PPP1R14B: variants seen among roughly 807,000 people sequenced by gnomAD.
PPP1R14B encodes the protein protein phosphatase 1 regulatory inhibitor subunit 14B, also known as protein phosphatase 1 regulatory subunit 14B.
A neutral mutation model predicts 14.7 loss-of-function variants in PPP1R14B; 4 were observed. The ratio of observed to expected loss-of-function variants is 0.27; its 90% CI spans 0.13 to 0.62. PPP1R14B has a LOEUF of 0.62. PPP1R14B is among the 20% of genes least tolerant of loss of function. PPP1R14B has a pLI of 0.85. For missense variants in PPP1R14B, 138 were observed against 201.5 expected, an observed-to-expected ratio of 0.68 and a Z score of 1.91; for synonymous variants, 76 against 87.3, an observed-to-expected ratio of 0.87 and a Z score of 0.72.
Position 64,246,357 on chromosome 11 carries a change from C to G in PPP1R14B, c.258+59G>C. ...AGTGACAGGCGAGCTCACAGTGGAG[C>G]TGCCAGGCGGACCGGCGCGAGACCG... On this transcript the variant is annotated intron_variant, in intron 1 of 3. Transcript: ENST00000309318. 2.6e-6 allele frequency: 4 copies of G among 1,550,878 alleles called. No homozygotes were observed. In the South Asian group the frequency reaches 4.8e-5, roughly 18 times the overall value.
In PPP1R14B at chr11:64,244,721, G is replaced by C. The variant is rs552270070; in HGVS notation, c.*33C>G. The C allele has an allele frequency of 6.2e-6, 10 of 1,609,766 alleles. No homozygotes were observed. In the Admixed American group the frequency reaches 1.7e-4, roughly 27 times the overall value. The stretch of plus-strand genomic sequence containing the variant: ...GAGGTTGGGGGGCAGCGATTGTCCT[G>C]TGGGAGCCACCGTTCTCCTGGGTCG... On this transcript the variant is annotated 3_prime_UTR_variant, in exon 4 of 4. Coordinates refer to ENST00000309318, the MANE Select transcript of PPP1R14B (RefSeq NM_138689.3).
intron 1 of PPP1R14B, chr11:64,245,900 C>T (rs2030859132): frequency 6.3e-6 from 1 of 158,924 alleles, no homozygotes; most frequent in Admixed American, 6.3e-5. Context: ...TCCACCCTGC[C>T]CCCCGGGGCC....
Position 64,246,801 on chromosome 11 carries a change from G to A in PPP1R14B, c.-128C>T. 6.8e-6 allele frequency: 5 copies of A among 730,758 alleles called. No homozygotes were observed. In the South Asian group the frequency reaches 3.0e-4, roughly 45 times the overall value. The allele number at this position is 730,758 out of a possible 1,614,324, so 45.3% of individuals were successfully genotyped here. ...GCGGCTCCGCGGCGAGGGCGGCGGC[G>A]GGGGCGCCCGGGGGCAGCTGCAGCA... On this transcript the variant is annotated 5_prime_UTR_variant, in exon 1 of 4. Coordinates refer to ENST00000309318, the MANE Select transcript of PPP1R14B (RefSeq NM_138689.3).
At chr11:64,245,323 G>A (rs748205320) in intron 1 of PPP1R14B, 36 bp from the exon 2 acceptor site, 15 of 1,575,724 alleles carry the variant, frequency 9.5e-6, no homozygotes, top group Non-Finnish European at 9.6e-6. Flanking sequence ...AGAGACATAA[G>A]CCTGAGTTGG....
rs1318305923 is a variant in PPP1R14B, at chr11:64,245,473, G to A, written c.259-186C>T. On this transcript the variant is annotated intron_variant, in intron 1 of 3. Transcript: ENST00000309318. ...CGTGCCAAGGCAAACTGCCCAAAGC[G>A]GGGTGGGGGGGGGAGCTTCCTGTCC... The A allele has an allele frequency of 4.1e-5, 11 of 266,330 alleles. No homozygotes were observed. The Admixed American group carries it at 7.5e-4, about 18-fold the overall frequency. The allele number at this position is 266,330 out of a possible 1,614,324, so 16.5% of individuals were successfully genotyped here. A position where few individuals can be genotyped will look rare whatever the true frequency, so the allele number is the denominator to read the frequency against.
chr11:64,246,855 C>T lies in PPP1R14B; in HGVS notation c.-182G>A, dbSNP rs1400035922. Reference sequence around the variant, plus strand: ...GGAGCCCCCGGGCTTGGCCTGGCCGCGCCCCGCCCCCTCCCCGCCGATCCG... The same window carrying T: ...GGAGCCCCCGGGCTTGGCCTGGCCGTGCCCCGCCCCCTCCCCGCCGATCCG... On this transcript the variant is annotated 5_prime_UTR_variant, in exon 1 of 4. Coordinates refer to ENST00000309318, the MANE Select transcript of PPP1R14B (RefSeq NM_138689.3). 2.3e-5 allele frequency: 7 copies of T among 299,524 alleles called. No homozygotes were observed. The highest frequency in any genetic ancestry group is 2.9e-5 in the Non-Finnish European group (6 of 205,556). 18.6% of individuals were successfully genotyped at this position (299,524 alleles called of 1,614,324 possible).
intron 2 of PPP1R14B, 82 bp from the exon 3 acceptor site, chr11:64,245,044 C>T: frequency 6.7e-7 from 1 of 1,486,110 alleles, no homozygotes; most frequent in South Asian, 1.3e-5. Context: ...TTCCAAGAGA[C>T]TGGGGCCACC....
At position 64,245,252 on chromosome 11, in the gene PPP1R14B, A is replaced by G. The variant is rs1243278492; in HGVS notation, c.294T>C (p.Asp98=). The G allele has an allele frequency of 6.2e-7, 1 of 1,611,658 alleles. No individual in the cohort carries two copies. The highest frequency in any genetic ancestry group is 1.7e-5 in the Admixed American group (1 of 59,868). Reference sequence around the variant, plus strand: ...CGTCACTCTCCATGTCCAGGAGCTCATCCACGTCAATCTCCAGTTCTGGGA... The same window carrying G: ...CGTCACTCTCCATGTCCAGGAGCTCGTCCACGTCAATCTCCAGTTCTGGGA... ...EEIPELEIDV[D]ELLDMESDDA... The change falls in exon 2 of 4, where the codon GAT becomes GAC. Residue 98 remains aspartate, a synonymous_variant. Coordinates refer to ENST00000309318, the MANE Select transcript of PPP1R14B (RefSeq NM_138689.3).
rs368488305 is a variant in PPP1R14B, at chr11:64,246,409, A to G, written c.258+7T>C. ...TTTTGGGGTGTCGGCGCGGGGTGGG[A>G]ACACACCTGGCAGTCGTAGAGGCGC... is the stretch of plus-strand genomic sequence containing the variant. On this transcript the variant is annotated splice_region_variant and intron_variant, in intron 1 of 3. Transcript: ENST00000309318. 1.5e-5 allele frequency: 24 copies of G among 1,605,372 alleles called. No homozygotes were observed. The African/African-American group carries it at 3.1e-4, about 21-fold the overall frequency.
intron 1 of PPP1R14B, chr11:64,246,166 T>G: frequency 1.9e-6 from 1 of 531,856 alleles, no homozygotes. Context: ...CCTTGAGGCG[T>G]CTGGAGGACA....
rs2135022725 is a variant in PPP1R14B at position 64,246,820 on chromosome 11, T to C, written c.-147A>G. 1.7e-6 allele frequency: 1 copy of C among 585,774 alleles called. No individual in the cohort carries two copies. The highest frequency in any genetic ancestry group is 1.5e-4 in the East Asian group (1 of 6,874). The allele number at this position is 585,774 out of a possible 1,614,324, so 36.3% of individuals were successfully genotyped here. On this transcript the variant is annotated 5_prime_UTR_variant, in exon 1 of 4. Coordinates refer to ENST00000309318, the MANE Select transcript of PPP1R14B (RefSeq NM_138689.3). The stretch of plus-strand genomic sequence containing the variant: ...GGCGGCGGGGGCGCCCGGGGGCAGC[T>C]GCAGCATGCGGAGCCCCCGGGCTTG...
In PPP1R14B at chr11:64,244,518, C is replaced by T; in HGVS notation, c.*236G>A. The T allele has an allele frequency of 2.4e-6, 3 of 1,239,684 alleles. No homozygotes were observed. The highest frequency in any genetic ancestry group is 5.3e-5 in the East Asian group (2 of 37,794). 76.8% of individuals were successfully genotyped at this position (1,239,684 alleles called of 1,614,324 possible). On this transcript the variant is annotated 3_prime_UTR_variant, in exon 4 of 4. Transcript: ENST00000309318. The stretch of plus-strand genomic sequence containing the variant: ...GGCGTATCCTAGCTTTATTAAAGGG[C>T]CCGCGCCGCAGAGTCAATATAAAAA...
At chr11:64,245,032 A>G in intron 2 of PPP1R14B, 70 bp from the exon 3 acceptor site, 1 of 1,510,694 alleles carries the variant, frequency 6.6e-7, no homozygotes, top group Non-Finnish European at 9.0e-7. Flanking sequence ...GCCTATACCC[A>G]CTTCCAAGAG....
Position 64,246,731 on chromosome 11 carries a change from GA to G in PPP1R14B, c.-59del. On this transcript the variant is annotated 5_prime_UTR_variant, in exon 1 of 4. Coordinates refer to ENST00000309318, the MANE Select transcript of PPP1R14B (RefSeq NM_138689.3). ...CCCCTCCCTGCGCCACCGCCTCCGGGACGCCCGCCGGCTGGCTCGGGTTAGC... is the reference window on the plus strand; with the variant it reads ...CCCCTCCCTGCGCCACCGCCTCCGGGCGCCCGCCGGCTGGCTCGGGTTAGC... The G allele has an allele frequency of 1.0e-6, 1 of 997,876 alleles. No individual in the cohort carries two copies. Among genetic ancestry groups the G allele is most frequent in the Non-Finnish European group, 1.2e-6 (1 of 839,922 alleles). The allele number at this position is 997,876 out of a possible 1,614,324, so 61.8% of individuals were successfully genotyped here.
Position 64,244,549 on chromosome 11 carries a change from A to G in PPP1R14B, c.*205T>C. 1.0e-5 allele frequency: 14 copies of G among 1,335,666 alleles called. No homozygotes were observed. Among genetic ancestry groups the G allele is most frequent in the Non-Finnish European group, 1.4e-5 (14 of 999,102 alleles). The allele number at this position is 1,335,666 out of a possible 1,614,324, so 82.7% of individuals were successfully genotyped here. On this transcript the variant is annotated 3_prime_UTR_variant, in exon 4 of 4. Coordinates refer to ENST00000309318, the MANE Select transcript of PPP1R14B (RefSeq NM_138689.3). Reference sequence around the variant, plus strand: ...CCGCAGAGTCAATATAAAAACACAAAAAGTCCCATCAGTTTAATAACAATA... The same window carrying G: ...CCGCAGAGTCAATATAAAAACACAAGAAGTCCCATCAGTTTAATAACAATA...
intron 1 of PPP1R14B, 99 bp downstream of exon 1, chr11:64,246,317 G>C: frequency 6.7e-7 from 1 of 1,486,134 alleles, no homozygotes; most frequent in Non-Finnish European, 9.1e-7. Context: ...GGGAAGCAAA[G>C]CGCCCTTTGA....
At chr11:64,246,108 G>A in intron 1 of PPP1R14B, 1 of 358,348 alleles carries the variant, frequency 2.8e-6, no homozygotes, top group Non-Finnish European at 5.2e-6. Context: ...TCCTGCCGCT[G>A]CCAGCCCAGG....
chr11:64,246,835 C>T lies in PPP1R14B; in HGVS notation c.-162G>A, dbSNP rs1452282533. 4 of 470,674 alleles carry T rather than the reference C, an allele frequency of 8.5e-6. No homozygotes were observed. The highest frequency in any genetic ancestry group is 1.3e-4 in the Admixed American group (2 of 15,354). 29.2% of individuals were successfully genotyped at this position (470,674 alleles called of 1,614,324 possible). On this transcript the variant is annotated 5_prime_UTR_variant, in exon 1 of 4. Coordinates refer to ENST00000309318, the MANE Select transcript of PPP1R14B (RefSeq NM_138689.3). ...CGGGGGCAGCTGCAGCATGCGGAGC[C>T]CCCGGGCTTGGCCTGGCCGCGCCCC...
rs774271824 is a variant in PPP1R14B at position 64,244,744 on chromosome 11, T to A, written c.*10A>T. 1.2e-6 allele frequency: 2 copies of A among 1,612,358 alleles called. No homozygotes were observed. Among genetic ancestry groups the A allele is most frequent in the Admixed American group, 1.7e-5 (1 of 59,988 alleles). On this transcript the variant is annotated 3_prime_UTR_variant, in exon 4 of 4. Transcript: ENST00000309318. ...CTGTGGGAGCCACCGTTCTCCTGGG[T>A]CGGGGACCGTCACTTCTTCTGGGGT...
Sources: gnomAD v4.1 joint callset for allele counts on GRCh38, gnomAD v4.1.1 for gene constraint, MANE v1.5 for transcripts, NCBI Gene and HGNC (gene_info 2026-07-23, HGNC 2026-07-21) for gene names.